Variants in DOCK8 observed in about 807,000 individuals in gnomAD.
The protein encoded by DOCK8 is dedicator of cytokinesis protein 8.
A neutral mutation model predicts 245.6 loss-of-function variants in DOCK8; 141 were observed. That is an observed-to-expected ratio of 0.57 (90% CI 0.50 to 0.66). The LOEUF is 0.66. Among genes scored for constraint, DOCK8 ranks in the 30% least tolerant of loss-of-function variants. The pLI is 0.00. For synonymous variants in DOCK8, 1,168 were observed against 970.2 expected, an observed-to-expected ratio of 1.20 and a Z score of -3.79; for missense variants, 2,965 against 2,603.4, an observed-to-expected ratio of 1.14 and a Z score of -3.02.
chr9:440,729 G>A (rs774452868), intron 40 of DOCK8, among the ~76,000 whole-genome samples: 11 of 152,028 alleles, frequency 7.2e-5, no homozygotes, highest in East Asian at 1.9e-4. Context: ...TTTTCTTTTC[G>A]TTTTGTTTTG....
chr9:393,416 A>T (rs1210668717), intron 24 of DOCK8, among the ~76,000 whole-genome samples: 1 of 152,192 alleles, frequency 6.6e-6, no homozygotes. Context: ...AAGCATTTTA[A>T]AGCATCATCT....
At chr9:229,076 C>T (rs879422133) in intron 1 of DOCK8, among the ~76,000 whole-genome samples, 3 of 152,176 alleles carry the variant, frequency 2.0e-5, no homozygotes, top group Non-Finnish European at 4.4e-5. Flanking sequence ...AACGTCACTT[C>T]CACCACATTC....
At chr9:393,007 G>A (rs779596575) in intron 24 of DOCK8, among the ~76,000 whole-genome samples, 4 of 145,818 alleles carry the variant, frequency 2.7e-5, no homozygotes, top group Non-Finnish European at 4.5e-5. Context: ...CGTCACTGGA[G>A]CCTAGGAGTT....
intron 14 of DOCK8, among the ~76,000 whole-genome samples, chr9:351,967 A>G (rs1426598400): frequency 6.6e-6 from 1 of 152,234 alleles, no homozygotes; most frequent in Non-Finnish European, 1.5e-5. Flanking sequence ...ATGATTCTCT[A>G]GACATGTCAG....
Position 336,570 on chromosome 9 carries a change from T to G in DOCK8, c.1286-12T>G, listed in dbSNP as rs1213420356. On this transcript the variant is annotated splice_polypyrimidine_tract_variant and intron_variant, in intron 11 of 47. Coordinates refer to ENST00000432829, the MANE Select transcript of DOCK8 (RefSeq NM_203447.4). ...AAGGCATACTTTGGAGTGACAATTG[T>G]TTTTCTTAAAGGGAGAAGCTCAGTG... 3.7e-6 allele frequency: 6 copies of G among 1,614,044 alleles called. No homozygotes were observed. In the African/African-American group the frequency reaches 4.0e-5, roughly 11 times the overall value.
chr9:449,350 CAAATAAAT>C (rs147000879), intron 44 of DOCK8, among the ~76,000 whole-genome samples: 1 of 151,072 alleles, frequency 6.6e-6, no homozygotes, highest in East Asian at 2.0e-4. Flanking sequence ...AACTCCATCT[CAAATAAAT>C]AAATAAATAA....
At chr9:364,727 G>C (rs2052894531) in intron 14 of DOCK8, among the ~76,000 whole-genome samples, 2 of 151,900 alleles carry the variant, frequency 1.3e-5, no homozygotes, top group Non-Finnish European at 2.9e-5. Flanking sequence ...ATCTTCCTTG[G>C]AGCAATGATA....
intron 44 of DOCK8, among the ~76,000 whole-genome samples, chr9:449,461 G>A (rs2057363566): frequency 1.3e-5 from 2 of 152,248 alleles, no homozygotes; most frequent in Non-Finnish European, 1.5e-5. Context: ...ACTTGTGATC[G>A]AATTATGACC....
intron 41 of DOCK8, 85 bp downstream of exon 41, chr9:441,502 A>AG (rs2057094864): frequency 1.3e-6 from 2 of 1,594,096 alleles, no homozygotes; most frequent in Non-Finnish European, 8.6e-7. Flanking sequence ...CTTCCTCTCC[A>AG]GGGAGTGATT....
At chr9:269,552 C>CTTTTTTTT (rs57326015) in intron 1 of DOCK8, among the ~76,000 whole-genome samples, 1 of 105,000 alleles carries the variant, frequency 9.5e-6, no homozygotes, top group Non-Finnish European at 2.0e-5. Context: ...GTGTGGTTGT[C>CTTTTTTTT]TTTTTTTTTT....
intron 1 of DOCK8, among the ~76,000 whole-genome samples, chr9:224,607 G>C (rs559978511): frequency 6.6e-6 from 1 of 152,188 alleles, no homozygotes; most frequent in South Asian, 2.1e-4. Context: ...CAATATTCAG[G>C]ACACAGCCAA....
chr9:430,194 G>C (rs2056657828), intron 36 of DOCK8, among the ~76,000 whole-genome samples: 1 of 152,132 alleles, frequency 6.6e-6, no homozygotes, highest in African/African-American at 2.4e-5. Context: ...GGCCAGCATG[G>C]TGAAATCCTG....
intron 2 of DOCK8, among the ~76,000 whole-genome samples, chr9:273,981 C>T (rs569712612): frequency 3.3e-5 from 5 of 152,144 alleles, no homozygotes; most frequent in African/African-American, 9.7e-5. Flanking sequence ...GCTGGGATTA[C>T]GAGCATGAGC....
chr9:262,144 A>G (rs1344240069), intron 1 of DOCK8, among the ~76,000 whole-genome samples: 4 of 152,124 alleles, frequency 2.6e-5, no homozygotes, highest in Admixed American at 1.3e-4. Context: ...TCTTAGCATC[A>G]TTAGTCATTA....
chr9:284,574 C>G (rs1360175169), intron 2 of DOCK8: 1 of 152,180 alleles, frequency 6.6e-6, no homozygotes, highest in Non-Finnish European at 1.5e-5. Context: ...TAATGTAAGT[C>G]AGCAATCTCA....
intron 22 of DOCK8, among the ~76,000 whole-genome samples, chr9:385,915 G>A (rs927958179): frequency 6.6e-6 from 1 of 152,104 alleles, no homozygotes; most frequent in Non-Finnish European, 1.5e-5. Context: ...TAGAGCATGA[G>A]CACTCCACTT....
At chr9:356,871 T>C (rs992271391) in intron 14 of DOCK8, among the ~76,000 whole-genome samples, 1 of 152,174 alleles carries the variant, frequency 6.6e-6, no homozygotes, top group African/African-American at 2.4e-5. Context: ...TTCAACAAAG[T>C]ATGGTTTAGA....
chr9:414,028 G>A (rs143273174), intron 28 of DOCK8, among the ~76,000 whole-genome samples: 6 of 152,052 alleles, frequency 3.9e-5, no homozygotes, highest in Admixed American at 2.0e-4. Flanking sequence ...TGTAGTCCCC[G>A]CTACTTGGGA....
At chr9:382,431 A>C (rs1188978041) in intron 21 of DOCK8, 82 bp from the exon 22 acceptor site, 40 of 1,558,896 alleles carry the variant, frequency 2.6e-5, no homozygotes, top group Non-Finnish European at 3.2e-5. Context: ...CATCCACCCT[A>C]TCCCTCTTCA....
Sources: allele counts gnomAD v4.1 joint callset (sites outside exome capture counted in the v4.1 genomes callset), GRCh38; gene constraint gnomAD v4.1.1; transcripts MANE v1.5; gene names NCBI Gene and HGNC (gene_info 2026-07-23, HGNC 2026-07-21).